Variants in PUDP observed in about 807,000 individuals in gnomAD.
The protein encoded by PUDP is pseudouridine-5'-phosphatase.
Under a neutral mutation model 9.4 loss-of-function variants are expected in PUDP, and 8 were observed. The ratio of observed to expected loss-of-function variants is 0.85; its 90% confidence interval spans 0.50 to 1.53. The LOEUF (loss-of-function observed/expected upper bound fraction) is 1.53. Ranked by LOEUF, PUDP falls within the 40% of genes most tolerant of loss-of-function variation. PUDP has a pLI of 0.00. For synonymous variants in PUDP, 99 were observed against 80.7 expected, an observed-to-expected ratio of 1.23 and a Z score of -1.22; for missense variants, 188 against 189.7, an observed-to-expected ratio of 0.99 and a Z score of 0.05.
intron 1 of PUDP, among the ~76,000 whole-genome samples, chrX:7,123,861 A>C (rs761767942): frequency 3.6e-5 from 4 of 112,276 alleles, no homozygotes; most frequent in Admixed American, 9.5e-5. Flanking sequence ...TTATAAACAT[A>C]TATGAACCTA....
chrX:7,144,881 C>T (rs1349946425), intron 1 of PUDP, among the ~76,000 whole-genome samples: 1 of 111,421 alleles, frequency 9.0e-6, no homozygotes, highest in African/African-American at 3.3e-5. Flanking sequence ...TATTAGACTC[C>T]AAGAAAACAC....
intron 3 of PUDP, among the ~76,000 whole-genome samples, chrX:6,949,384 C>T (rs758094945): frequency 8.1e-5 from 9 of 111,005 alleles, no homozygotes; most frequent in African/African-American, 2.0e-4. Context: ...TCCTCCTTAT[C>T]CTTTTCCTCC....
At chrX:7,147,735 C>A (rs1932901241) in intron 1 of PUDP, 1 of 112,963 alleles carries the variant, frequency 8.9e-6, no homozygotes. Flanking sequence ...GACGCGGAGC[C>A]GCGCGCCCGC....
intron 3 of PUDP, among the ~76,000 whole-genome samples, chrX:6,822,517 C>G (rs1209414403): frequency 9.0e-6 from 1 of 111,701 alleles, no homozygotes; most frequent in Non-Finnish European, 1.9e-5. Flanking sequence ...AGCTCCGCCT[C>G]CCGGGTTCAA....
At chrX:6,958,848 C>A (rs748141849) in intron 3 of PUDP, among the ~76,000 whole-genome samples, 1 of 110,806 alleles carries the variant, frequency 9.0e-6, no homozygotes, top group South Asian at 3.8e-4. Context: ...ATCCTTTTTA[C>A]CAAGTGGCAA....
At chrX:6,882,909 C>G (rs2146741076) in intron 3 of PUDP, among the ~76,000 whole-genome samples, 1 of 111,493 alleles carries the variant, frequency 9.0e-6, no homozygotes, top group South Asian at 3.8e-4. Flanking sequence ...CTAAGAAAAG[C>G]AGGCAAGCCA....
At chrX:6,854,838 G>C (rs887491815) in intron 3 of PUDP, among the ~76,000 whole-genome samples, 2 of 109,427 alleles carry the variant, frequency 1.8e-5, no homozygotes, top group South Asian at 8.2e-4. Context: ...TGCAGAGGTG[G>C]AAGGAAGTTC....
intron 3 of PUDP, among the ~76,000 whole-genome samples, chrX:6,728,323 G>A (rs2146658579): frequency 9.0e-6 from 1 of 110,867 alleles, no homozygotes; most frequent in African/African-American, 3.3e-5. Context: ...AGGTGTTTGA[G>A]TCCAGCCTCG....
At chrX:6,997,605 T>G (rs1340318436) in intron 1 of PUDP, among the ~76,000 whole-genome samples, 1 of 112,270 alleles carries the variant, frequency 8.9e-6, no homozygotes, top group Non-Finnish European at 1.9e-5. Context: ...GATTTCCATC[T>G]AGAAAACTGA....
chrX:7,110,002 G>A (rs1228334596), intron 1 of PUDP, among the ~76,000 whole-genome samples: 1 of 112,300 alleles, frequency 8.9e-6, no homozygotes, highest in Non-Finnish European at 1.9e-5. Flanking sequence ...GAATCTGTGT[G>A]GCATGTTGAG....
intron 3 of PUDP, among the ~76,000 whole-genome samples, chrX:6,927,389 T>C (rs1179432533): frequency 8.9e-6 from 1 of 112,454 alleles, no homozygotes; most frequent in Non-Finnish European, 1.9e-5. Context: ...TCCTCTCCTT[T>C]AAAGAAAAGA....
chrX:7,069,204 T>C (rs1341361340), intron 3 of PUDP, among the ~76,000 whole-genome samples: 1 of 110,780 alleles, frequency 9.0e-6, no homozygotes, highest in Non-Finnish European at 1.9e-5. Context: ...GGGAAACGGA[T>C]GTCTGTGGTT....
chrX:6,874,222 TA>T (rs765993890), intron 3 of PUDP, among the ~76,000 whole-genome samples: 29 of 111,564 alleles, frequency 2.6e-4, no homozygotes, highest in African/African-American at 9.4e-4. Flanking sequence ...TTGCCCCTTT[TA>T]GGGGGGGTCT....
At chrX:6,711,359 T>C (rs372308468) in intron 1 of PUDP, among the ~76,000 whole-genome samples, 7 of 110,698 alleles carry the variant, frequency 6.3e-5, no homozygotes, top group African/African-American at 2.0e-4. Context: ...CTTCTCTCTC[T>C]GAGCAGCGCT....
intron 3 of PUDP, among the ~76,000 whole-genome samples, chrX:6,842,569 T>C (rs5948767): frequency 0.17 from 18,799 of 112,144 alleles, 1,603 homozygotes; most frequent in Non-Finnish European, 0.26. Context: ...TAAATGTATG[T>C]ATATTGACAA....
At chrX:7,022,089 T>C (rs1353746574) in intron 1 of PUDP, among the ~76,000 whole-genome samples, 1 of 111,263 alleles carries the variant, frequency 9.0e-6, no homozygotes, top group Non-Finnish European at 1.9e-5. Flanking sequence ...TACTTTCCTC[T>C]GCCTTCCTTC....
At chrX:6,857,373 C>T (rs943927983) in intron 3 of PUDP, among the ~76,000 whole-genome samples, 6 of 112,621 alleles carry the variant, frequency 5.3e-5, no homozygotes, top group Non-Finnish European at 9.4e-5. Context: ...GAGAGAAAAC[C>T]GTGGAAATTG....
intron 3 of PUDP, among the ~76,000 whole-genome samples, chrX:6,837,520 C>T (rs1468095198): frequency 8.9e-6 from 1 of 112,886 alleles, no homozygotes; most frequent in Non-Finnish European, 1.9e-5. Flanking sequence ...CACACACAAA[C>T]ACAAGCACAC....
chrX:6,709,261 A>C (rs773728967), intron 1 of PUDP, among the ~76,000 whole-genome samples: 4 of 111,513 alleles, frequency 3.6e-5, no homozygotes, highest in Non-Finnish European at 7.5e-5. Flanking sequence ...CTTGCTGTTT[A>C]ATCTTACCTC....
Sources: gnomAD v4.1 joint callset for allele counts (sites outside exome capture counted in the v4.1 genomes callset) on GRCh38, gnomAD v4.1.1 for gene constraint, MANE v1.5 for transcripts, NCBI Gene and HGNC (gene_info 2026-07-23, HGNC 2026-07-21) for gene names.